GABPB1: variants seen among roughly 807,000 people sequenced by gnomAD.
GABPB1 encodes GA binding protein transcription factor subunit beta 1.
Under a neutral mutation model 45.9 loss-of-function variants are expected in GABPB1, and 15 were observed. The observed-to-expected ratio is 0.33, with a 90% CI of 0.22 to 0.50. GABPB1 has a LOEUF of 0.50. Among genes scored for constraint, GABPB1 ranks in the 20% least tolerant of loss-of-function variants. The pLI is 0.98. For missense variants in GABPB1, 252 were observed against 457.5 expected (o/e 0.55, Z 4.10); for synonymous variants, 143 against 154.4 (o/e 0.93, Z 0.55).
Position 50,278,395 on chromosome 15 carries a change from C to T in GABPB1, c.*237G>A, listed in dbSNP as rs1407174976. 3.2e-5 allele frequency: 10 copies of T among 311,380 alleles called. No individual in the cohort carries two copies. The highest frequency in any genetic ancestry group is 3.5e-5 in the Non-Finnish European group (6 of 171,536). 19.3% of individuals were successfully genotyped at this position (311,380 alleles called of 1,614,324 possible). On this transcript the variant is annotated 3_prime_UTR_variant, in exon 9 of 9. Coordinates refer to ENST00000380877, the MANE Select transcript of GABPB1 (RefSeq NM_016654.5). The stretch of plus-strand genomic sequence containing the variant: ...ATCTCTTCAACAATCTTTATCAACT[C>T]ATTTGGAACTGTAAAAAAAAAAAAA...
At chr15:50,337,075 GTATATATATATATA>G (rs869106382) in intron 1 of GABPB1, among the ~76,000 whole-genome samples, 17 of 14,194 alleles carry the variant, frequency 1.2e-3, no homozygotes, top group South Asian at 2.4e-3. Flanking sequence ...ATATGTGTGT[GTATATATATATATA>G]TATATATATA....
intron 1 of GABPB1, among the ~76,000 whole-genome samples, chr15:50,336,995 T>C (rs2048152703): frequency 6.7e-6 from 1 of 148,492 alleles, no homozygotes; most frequent in Admixed American, 6.7e-5. Flanking sequence ...CAGGGGGCCA[T>C]GATCGCACCA....
At chr15:50,312,942 A>G (rs1339611009) in intron 1 of GABPB1, among the ~76,000 whole-genome samples, 1 of 151,772 alleles carries the variant, frequency 6.6e-6, no homozygotes, top group Non-Finnish European at 1.5e-5. Context: ...AGTATTATAA[A>G]TATCTCTGTC....
At chr15:50,305,142 T>TA (rs1338934165) in intron 2 of GABPB1, among the ~76,000 whole-genome samples, 2 of 152,186 alleles carry the variant, frequency 1.3e-5, no homozygotes, top group African/African-American at 4.8e-5. Context: ...AAAATCCCTA[T>TA]AACCCTCTGA....
intron 8 of GABPB1, among the ~76,000 whole-genome samples, chr15:50,281,889 C>A (rs998555753): frequency 2.6e-5 from 4 of 152,148 alleles, no homozygotes; most frequent in African/African-American, 9.7e-5. Context: ...ATTGCTTGAG[C>A]CTAGGAGTGA....
chr15:50,347,343 T>C (rs1595852068), intron 1 of GABPB1: 1 of 152,142 alleles, frequency 6.6e-6, no homozygotes, highest in East Asian at 1.9e-4. Context: ...ACAAGTCATT[T>C]AGGGCACAAA....
intron 1 of GABPB1, among the ~76,000 whole-genome samples, chr15:50,333,282 G>A (rs1463231726): frequency 2.0e-5 from 3 of 152,212 alleles, no homozygotes; most frequent in Middle Eastern, 3.4e-3. Flanking sequence ...GCAACACAGC[G>A]AGACCTCGTC....
At chr15:50,301,163 G>C (rs2046728527) in intron 5 of GABPB1, 94 bp downstream of exon 5, 1 of 1,498,658 alleles carries the variant, frequency 6.7e-7, no homozygotes, top group African/African-American at 1.4e-5. Context: ...TTTCTTACAA[G>C]GATGAATACC....
chr15:50,279,655 T>TA (rs1438488797), intron 8 of GABPB1, among the ~76,000 whole-genome samples: 1 of 152,148 alleles, frequency 6.6e-6, no homozygotes, highest in Non-Finnish European at 1.5e-5. Context: ...CCCACACCTC[T>TA]AAGTGAGCAC....
intron 1 of GABPB1, among the ~76,000 whole-genome samples, chr15:50,322,805 T>C (rs1003440420): frequency 7.9e-5 from 12 of 151,894 alleles, no homozygotes; most frequent in Admixed American, 4.6e-4. Context: ...GGCGGGTGGA[T>C]TGCTTGAGAC....
chr15:50,309,898 T>C (rs573766513), intron 1 of GABPB1, 100 bp from the exon 2 acceptor site: 1 of 716,352 alleles, frequency 1.4e-6, no homozygotes, highest in African/African-American at 1.8e-5. Context: ...AGTTCTCAAT[T>C]ATCCCTTCAA....
intron 1 of GABPB1, among the ~76,000 whole-genome samples, chr15:50,330,497 G>C (rs1237603315): frequency 6.6e-6 from 1 of 152,004 alleles, no homozygotes; most frequent in African/African-American, 2.4e-5. Flanking sequence ...ATAGGGCCCT[G>C]ACAGTCATCC....
intron 1 of GABPB1, among the ~76,000 whole-genome samples, chr15:50,311,359 T>C (rs1295063867): frequency 1.3e-5 from 2 of 152,130 alleles, no homozygotes; most frequent in East Asian, 1.9e-4. Flanking sequence ...AAAATGTGCC[T>C]GGGGTATAAA....
chr15:50,331,078 C>A (rs2047932560), intron 1 of GABPB1, among the ~76,000 whole-genome samples: 1 of 152,182 alleles, frequency 6.6e-6, no homozygotes, highest in Non-Finnish European at 1.5e-5. Context: ...TCATGATGCA[C>A]AAGTCATTCT....
At chr15:50,299,923 C>G (rs1237725243) in intron 6 of GABPB1, among the ~76,000 whole-genome samples, 1 of 151,842 alleles carries the variant, frequency 6.6e-6, no homozygotes, top group Middle Eastern at 3.2e-3. Flanking sequence ...TTCAAGCGAT[C>G]CTCTGACCTC....
chr15:50,297,316 C>T (rs1052995461), intron 6 of GABPB1, among the ~76,000 whole-genome samples: 1 of 150,176 alleles, frequency 6.7e-6, no homozygotes, highest in Non-Finnish European at 1.5e-5. Context: ...AGGTTCAAGC[C>T]ATTCTCCTGC....
At chr15:50,290,900 G>A (rs754017443) in intron 6 of GABPB1, among the ~76,000 whole-genome samples, 4 of 152,160 alleles carry the variant, frequency 2.6e-5, no homozygotes, top group Non-Finnish European at 5.9e-5. Flanking sequence ...AGTTAATACT[G>A]CCAAAATCCT....
chr15:50,324,777 C>A (rs1212986428), intron 1 of GABPB1, among the ~76,000 whole-genome samples: 1 of 152,072 alleles, frequency 6.6e-6, no homozygotes, highest in Non-Finnish European at 1.5e-5. Context: ...AAACTCCTGA[C>A]CTCAGGCAAT....
chr15:50,309,268 T>C (rs2047049400), intron 2 of GABPB1, among the ~76,000 whole-genome samples: 1 of 152,196 alleles, frequency 6.6e-6, no homozygotes, highest in Non-Finnish European at 1.5e-5. Flanking sequence ...TTTCGTCATG[T>C]CTGCAACAGT....
Sources: gnomAD v4.1 joint callset for allele counts (sites outside exome capture counted in the v4.1 genomes callset) on GRCh38, gnomAD v4.1.1 for gene constraint, MANE v1.5 for transcripts, NCBI Gene and HGNC (gene_info 2026-07-23, HGNC 2026-07-21) for gene names.